The following CDH18 variants were observed in gnomAD, a reference collection of about 807,000 sequenced individuals.
CDH18 encodes cadherin 18.
In CDH18, 31 loss-of-function variants were observed where a neutral mutation model predicts 67.9. The ratio of observed to expected loss-of-function variants is 0.46; its 90% confidence interval spans 0.34 to 0.62. The LOEUF (loss-of-function observed/expected upper bound fraction) is 0.62. Ranked by LOEUF, CDH18 falls within the 20% of genes least tolerant of loss-of-function variation. The probability of loss-of-function intolerance (pLI) is 0.01; values close to 1 mark genes in which losing one functional copy is unlikely to be tolerated. For missense variants in CDH18, 890 were observed against 975.5 expected, an observed-to-expected ratio of 0.91 and a Z score of 1.17; for synonymous variants, 362 against 347.2, an observed-to-expected ratio of 1.04 and a Z score of -0.48.
intron 1 of CDH18, among the ~76,000 whole-genome samples, chr5:20,308,449 A>G (rs1736679549): frequency 6.6e-6 from 1 of 151,684 alleles, no homozygotes. Flanking sequence ...AGGCTGAGGT[A>G]GGAGAATCGC....
intron 4 of CDH18, among the ~76,000 whole-genome samples, chr5:19,728,020 T>A (rs1271289075): frequency 6.6e-6 from 1 of 152,138 alleles, no homozygotes; most frequent in Non-Finnish European, 1.5e-5. Flanking sequence ...GTGCCCAAAT[T>A]TTATGCATAG....
chr5:19,706,713 C>T (rs62351335), intron 5 of CDH18, among the ~76,000 whole-genome samples: 31,407 of 152,156 alleles, frequency 0.21, 3,780 homozygotes, highest in Non-Finnish European at 0.26. Context: ...CTATACTAGC[C>T]AAATTCCAGC....
At chr5:19,609,076 A>G (rs539832116) in intron 6 of CDH18, among the ~76,000 whole-genome samples, 42 of 152,108 alleles carry the variant, frequency 2.8e-4, no homozygotes, top group Admixed American at 2.7e-3. Flanking sequence ...TGCAACAACC[A>G]TAACCCAGAA....
intron 1 of CDH18, among the ~76,000 whole-genome samples, chr5:20,445,781 G>A (rs1185785769): frequency 6.6e-6 from 1 of 152,056 alleles, no homozygotes; most frequent in African/African-American, 2.4e-5. Flanking sequence ...TGGAGCTCTG[G>A]GCCAACAATC....
chr5:20,389,475 C>T (rs1744632534), intron 1 of CDH18, among the ~76,000 whole-genome samples: 2 of 152,162 alleles, frequency 1.3e-5, no homozygotes, highest in East Asian at 3.9e-4. Context: ...TTCCTGAATA[C>T]AGCACACTGA....
At chr5:20,530,915 C>T (rs566926551) in intron 1 of CDH18, among the ~76,000 whole-genome samples, 70 of 152,142 alleles carry the variant, frequency 4.6e-4, no homozygotes, top group African/African-American at 1.6e-3. Flanking sequence ...AGAGCTTCTG[C>T]ACAGCAAAAG....
At chr5:20,062,323 C>G (rs1397836758) in intron 2 of CDH18, among the ~76,000 whole-genome samples, 3 of 151,702 alleles carry the variant, frequency 2.0e-5, no homozygotes, top group African/African-American at 7.3e-5. Context: ...GCCTGGGCTA[C>G]TTGTATTTTT....
chr5:19,529,801 T>A (rs755495644), intron 9 of CDH18, among the ~76,000 whole-genome samples: 3 of 152,240 alleles, frequency 2.0e-5, no homozygotes, highest in Middle Eastern at 3.4e-3. Flanking sequence ...AAGACCTAGA[T>A]AACTGAAAAC....
rs1049666834 is a variant in CDH18, at chr5:19,755,829, C to T, written c.229-8593G>A. ...AGACTAGGCCAGTCTCCCCTTTTCA[C>T]GTTTTTCTGCCTGCTTTGTATTTGC... On this transcript the variant is annotated intron_variant, in intron 3 of 12. Transcript: ENST00000382275. Among the ~76,000 whole-genome samples the T allele has an allele frequency of 5.3e-5, 8 of 151,988 alleles. No individual in the cohort carries two copies. The East Asian group carries it at 1.6e-3, about 30-fold the overall frequency.
chr5:19,933,702 C>A (rs1793946878), intron 2 of CDH18, among the ~76,000 whole-genome samples: 1 of 151,416 alleles, frequency 6.6e-6, no homozygotes, highest in Non-Finnish European at 1.5e-5. Flanking sequence ...ATTCAAATTT[C>A]TCCTTACTGT....
rs376631175 is a variant in CDH18 at position 20,567,469 on chromosome 5, TGGTGCTGTAACCAATGA to T, written c.-580+7976_-580+7992del. 3.6e-3 allele frequency among the ~76,000 whole-genome samples: 547 copies of T among 152,344 alleles called. 2 individuals carry two copies. The highest frequency in any genetic ancestry group is 0.012 in the African/African-American group (511 of 41,586). On this transcript the variant is annotated intron_variant, in intron 1 of 14. Coordinates refer to the CDH18 transcript ENST00000507958. ...AGCAATGGAATAAGCAGTGCCTGCCTGGTGCTGTAACCAATGAGGTTTGGCACAGTGAGGCTAGTTTT... is the reference window on the plus strand; with the variant it reads ...AGCAATGGAATAAGCAGTGCCTGCCTGGTTTGGCACAGTGAGGCTAGTTTT...
chr5:20,289,267 G>T (rs1176472617), intron 1 of CDH18, among the ~76,000 whole-genome samples: 1 of 151,854 alleles, frequency 6.6e-6, no homozygotes, highest in African/African-American at 2.4e-5. Context: ...TTACAAATGA[G>T]AATTATGAAA....
At chr5:20,562,787 G>A (rs1389067327) in intron 1 of CDH18, among the ~76,000 whole-genome samples, 3 of 151,778 alleles carry the variant, frequency 2.0e-5, no homozygotes, top group Non-Finnish European at 4.4e-5. Context: ...AAAAGGCATA[G>A]CATTTAATAG....
At chr5:19,899,694 C>T (rs185284659) in intron 2 of CDH18, among the ~76,000 whole-genome samples, 473 of 152,104 alleles carry the variant, frequency 3.1e-3, no homozygotes, top group African/African-American at 0.011. Context: ...GTGAAAACAA[C>T]CTGAATGTCC....
At chr5:20,301,424 T>G (rs1735885993) in intron 1 of CDH18, among the ~76,000 whole-genome samples, 1 of 152,192 alleles carries the variant, frequency 6.6e-6, no homozygotes, top group Non-Finnish European at 1.5e-5. Flanking sequence ...GGGAGAGTCC[T>G]TCATCCTCAG....
At chr5:20,365,318 C>T (rs1207008423) in intron 1 of CDH18, among the ~76,000 whole-genome samples, 2 of 152,074 alleles carry the variant, frequency 1.3e-5, no homozygotes, top group African/African-American at 4.8e-5. Context: ...ATTCTAATTG[C>T]CTCCCAAAGG....
At chr5:19,948,071 A>C (rs186329017) in intron 2 of CDH18, among the ~76,000 whole-genome samples, 27 of 152,344 alleles carry the variant, frequency 1.8e-4, no homozygotes, top group African/African-American at 6.3e-4. Context: ...AATTAAGTCC[A>C]TAATGCAGTA....
chr5:19,574,935 A>G (rs1362580671), intron 7 of CDH18, among the ~76,000 whole-genome samples: 1 of 152,148 alleles, frequency 6.6e-6, no homozygotes, highest in Non-Finnish European at 1.5e-5. Context: ...GCTACTCGGG[A>G]GGCTGAGGCA....
At chr5:19,841,097 CTG>C (rs1393310606) in intron 2 of CDH18, among the ~76,000 whole-genome samples, 3 of 152,164 alleles carry the variant, frequency 2.0e-5, no homozygotes, top group African/African-American at 7.2e-5. Flanking sequence ...GCATTTTTCT[CTG>C]AGTATTTCGC....
Sources: gnomAD v4.1 joint callset for allele counts (sites outside exome capture counted in the v4.1 genomes callset) on GRCh38, gnomAD v4.1.1 for gene constraint, MANE v1.5 for transcripts, NCBI Gene and HGNC (gene_info 2026-07-23, HGNC 2026-07-21) for gene names.